CPA6: variants seen among roughly 807,000 people sequenced by gnomAD.
CPA6 encodes carboxypeptidase B.
Under a neutral mutation model 63.3 loss-of-function variants are expected in CPA6, and 58 were observed. That is an observed-to-expected ratio of 0.92 (90% CI 0.74 to 1.14). CPA6 has a LOEUF of 1.14. Among genes scored for constraint, CPA6 ranks in the 50% most tolerant of loss-of-function variants. CPA6 has a pLI of 0.00. For missense variants in CPA6, 565 were observed against 526.6 expected, an observed-to-expected ratio of 1.07 and a Z score of -0.71; for synonymous variants, 185 against 179.0, an observed-to-expected ratio of 1.03 and a Z score of -0.27.
In CPA6 at chr8:67,483,859, C is replaced by T. The variant is rs201265791; in HGVS notation, c.748-1G>A. On this transcript the variant is annotated splice_acceptor_variant, in intron 7 of 10. Coordinates refer to ENST00000297770, the MANE Select transcript of CPA6 (RefSeq NM_020361.5). LOFTEE classifies it high-confidence loss of function. ...ACCTTGTTTTTCTCCAAAATCGATC[C>T]TAGACATAATTAAGAAAACAGGTGC... 1.1e-4 allele frequency: 182 copies of T among 1,612,716 alleles called. No homozygotes were observed. Among genetic ancestry groups the T allele is most frequent in the Non-Finnish European group, 1.1e-4 (125 of 1,178,796 alleles).
At chr8:67,590,459 C>T (rs1339617586) in intron 2 of CPA6, among the ~76,000 whole-genome samples, 9 of 151,644 alleles carry the variant, frequency 5.9e-5, no homozygotes, top group Non-Finnish European at 7.4e-5. Context: ...CCTGAGGAAT[C>T]GCCACACTGA....
chr8:67,707,488 C>T (rs1022726290), intron 1 of CPA6, among the ~76,000 whole-genome samples: 1 of 152,168 alleles, frequency 6.6e-6, no homozygotes, highest in Non-Finnish European at 1.5e-5. Flanking sequence ...TGTGAGTATT[C>T]TTAACTTATG....
chr8:67,444,377 C>T (rs1359725677), intron 8 of CPA6, among the ~76,000 whole-genome samples: 1 of 152,112 alleles, frequency 6.6e-6, no homozygotes, highest in Admixed American at 6.5e-5. Flanking sequence ...TCATTTTGGA[C>T]ATGTTAAGTT....
At chr8:67,666,463 A>AG (rs1201420116) in intron 1 of CPA6, among the ~76,000 whole-genome samples, 20 of 152,184 alleles carry the variant, frequency 1.3e-4, no homozygotes, top group Non-Finnish European at 1.9e-4. Context: ...CCCTGGTAGC[A>AG]GCCAGTAAAG....
intron 2 of CPA6, among the ~76,000 whole-genome samples, chr8:67,550,126 T>C (rs1327292739): frequency 6.6e-6 from 1 of 152,192 alleles, no homozygotes; most frequent in African/African-American, 2.4e-5. Context: ...GTTTAGGGTA[T>C]GAATGATCCC....
chr8:67,705,440 G>A (rs1163099857), intron 1 of CPA6, among the ~76,000 whole-genome samples: 12 of 152,082 alleles, frequency 7.9e-5, no homozygotes, highest in Admixed American at 2.6e-4. Context: ...ACTCTCCTCC[G>A]AATCCTGCCA....
intron 8 of CPA6, among the ~76,000 whole-genome samples, chr8:67,435,843 G>A (rs1810139630): frequency 6.6e-6 from 1 of 151,440 alleles, no homozygotes; most frequent in African/African-American, 2.4e-5. Flanking sequence ...CTCCAATATT[G>A]GAGAGTCACT....
intron 1 of CPA6, chr8:67,735,604 C>T (rs1457413461): frequency 6.6e-6 from 1 of 151,766 alleles, no homozygotes. Flanking sequence ...AATATAATAC[C>T]TTGTATTATA....
chr8:67,716,562 A>T (rs1424710341), intron 1 of CPA6, among the ~76,000 whole-genome samples: 1 of 152,234 alleles, frequency 6.6e-6, no homozygotes, highest in Non-Finnish European at 1.5e-5. Flanking sequence ...AATAGGGCAG[A>T]GGAAGCAATC....
At chr8:67,656,635 C>T (rs1195158791) in intron 1 of CPA6, among the ~76,000 whole-genome samples, 1 of 152,148 alleles carries the variant, frequency 6.6e-6, no homozygotes, top group East Asian at 1.9e-4. Context: ...TTAACCTCCC[C>T]AATGTCTGGT....
intron 1 of CPA6, among the ~76,000 whole-genome samples, chr8:67,739,514 C>T (rs533272170): frequency 1.3e-4 from 20 of 152,304 alleles, no homozygotes; most frequent in East Asian, 7.7e-4. Flanking sequence ...TAGTTCCTAA[C>T]GCCCCCAAAT....
chr8:67,614,278 G>A (rs955111186), intron 2 of CPA6, among the ~76,000 whole-genome samples: 1 of 152,198 alleles, frequency 6.6e-6, no homozygotes, highest in Non-Finnish European at 1.5e-5. Context: ...GCAGTGGGGT[G>A]ACTGAACAGG....
Position 67,682,506 on chromosome 8 carries a change from T to C in CPA6, c.117-58255A>G, listed in dbSNP as rs550478944. Among the ~76,000 whole-genome samples the C allele has an allele frequency of 8.3e-4, 127 of 152,354 alleles. 2 individuals are homozygous for C. Among genetic ancestry groups the C allele is most frequent in the Admixed American group, 1.0e-3 (16 of 15,304 alleles). ...TACTTATTCTATCATTGGTGGCATCTGTGAGACTGTTTCTATTGATCTTTC... is the reference window on the plus strand; with the variant it reads ...TACTTATTCTATCATTGGTGGCATCCGTGAGACTGTTTCTATTGATCTTTC... On this transcript the variant is annotated intron_variant, in intron 1 of 10. Coordinates refer to ENST00000297770, the MANE Select transcript of CPA6 (RefSeq NM_020361.5).
intron 1 of CPA6, among the ~76,000 whole-genome samples, chr8:67,713,097 G>GTATATATATA (rs1172040978): frequency 4.8e-4 from 29 of 60,234 alleles, no homozygotes; most frequent in African/African-American, 6.7e-4. Flanking sequence ...GTGTGTGTGT[G>GTATATATATA]TGTATATATA....
intron 2 of CPA6, among the ~76,000 whole-genome samples, chr8:67,561,957 A>G (rs1813223417): frequency 6.6e-6 from 1 of 152,228 alleles, no homozygotes; most frequent in Non-Finnish European, 1.5e-5. Flanking sequence ...CAGCTAGGAC[A>G]CTATTAGCAA....
chr8:67,475,881 C>CCTTTCTTT (rs763576613), intron 8 of CPA6, among the ~76,000 whole-genome samples: 129 of 43,124 alleles, frequency 3.0e-3, no homozygotes, highest in East Asian at 6.9e-3. Flanking sequence ...CTTTCTTTCT[C>CCTTTCTTT]CTTTCTTTCT....
chr8:67,425,270 CTAT>C (rs563612920), intron 10 of CPA6, among the ~76,000 whole-genome samples: 8 of 151,538 alleles, frequency 5.3e-5, no homozygotes, highest in Non-Finnish European at 1.0e-4. Context: ...TGAGATAATC[CTAT>C]TATTATTATT....
chr8:67,541,260 G>A (rs1202659451), intron 2 of CPA6, among the ~76,000 whole-genome samples: 1 of 152,048 alleles, frequency 6.6e-6, no homozygotes, highest in Non-Finnish European at 1.5e-5. Flanking sequence ...CATCCCTCAC[G>A]GCACAGTCCC....
chr8:67,517,737 C>T (rs902498272), intron 3 of CPA6, among the ~76,000 whole-genome samples, 186 bp downstream of exon 3: 2 of 152,176 alleles, frequency 1.3e-5, no homozygotes, highest in African/African-American at 4.8e-5. Flanking sequence ...AGGTCCACAT[C>T]GTTGCTCCCA....
Sources: gnomAD v4.1 joint callset for allele counts (sites outside exome capture counted in the v4.1 genomes callset) on GRCh38, gnomAD v4.1.1 for gene constraint, MANE v1.5 for transcripts, NCBI Gene and HGNC (gene_info 2026-07-23, HGNC 2026-07-21) for gene names.